Variants in PLCB1 observed in about 807,000 individuals in gnomAD.
The protein encoded by PLCB1 is 1-phosphatidylinositol 4,5-bisphosphate phosphodiesterase beta-1.
PLCB1 carries 46 observed loss-of-function variants against 161.8 expected under a neutral mutation model. The ratio of observed to expected loss-of-function variants is 0.28; its 90% CI spans 0.22 to 0.36. The LOEUF (loss-of-function observed/expected upper bound fraction) is 0.36. Among genes scored for constraint, PLCB1 ranks in the 10% least tolerant of loss-of-function variants. The probability of loss-of-function intolerance (pLI) is 1.00; values close to 1 mark genes in which losing one functional copy is unlikely to be tolerated. For synonymous variants in PLCB1, 517 were observed against 503.7 expected (o/e 1.03, Z -0.35); for missense variants, 1,016 against 1,472.5 (o/e 0.69, Z 5.07).
chr20:8,648,103 G>A, intron 6 of PLCB1, 150 bp downstream of exon 6: 1 of 518,410 alleles, frequency 1.9e-6, no homozygotes, highest in South Asian at 3.2e-5. Flanking sequence ...TCTCATGTCA[G>A]TGCAGCTGCT....
At chr20:8,679,132 C>T (rs951667019) in intron 9 of PLCB1, among the ~76,000 whole-genome samples, 5 of 152,126 alleles carry the variant, frequency 3.3e-5, no homozygotes, top group African/African-American at 1.2e-4. Context: ...TTGGTAACCA[C>T]CAGTAAGGAA....
intron 2 of PLCB1, among the ~76,000 whole-genome samples, chr20:8,286,934 G>T (rs1568618263): frequency 6.6e-6 from 1 of 152,050 alleles, no homozygotes; most frequent in Non-Finnish European, 1.5e-5. Flanking sequence ...GTGGACTTTT[G>T]TCTATACTTC....
At chr20:8,823,438 G>A (rs1268283897) in intron 31 of PLCB1, among the ~76,000 whole-genome samples, 2 of 152,080 alleles carry the variant, frequency 1.3e-5, no homozygotes, top group African/African-American at 4.8e-5. Flanking sequence ...CACCACCCCT[G>A]CCTGCACCAC....
chr20:8,759,545 G>A (rs1008516027), intron 24 of PLCB1, among the ~76,000 whole-genome samples: 9 of 152,142 alleles, frequency 5.9e-5, no homozygotes, highest in African/African-American at 2.2e-4. Flanking sequence ...TTGTTGCCCA[G>A]GCTGGAGTGC....
At chr20:8,271,148 G>C (rs1003342369) in intron 2 of PLCB1, among the ~76,000 whole-genome samples, 4 of 152,112 alleles carry the variant, frequency 2.6e-5, no homozygotes, top group African/African-American at 9.7e-5. Flanking sequence ...GACAGTGGTA[G>C]ACATCATTCC....
intron 3 of PLCB1, among the ~76,000 whole-genome samples, chr20:8,441,269 G>A (rs1220500293): frequency 1.3e-5 from 2 of 152,150 alleles, no homozygotes; most frequent in Non-Finnish European, 2.9e-5. Flanking sequence ...TGAAATCTAT[G>A]TGAAAATATC....
intron 31 of PLCB1, among the ~76,000 whole-genome samples, chr20:8,833,813 C>T (rs148091190): frequency 2.1e-3 from 318 of 152,264 alleles, no homozygotes; most frequent in African/African-American, 7.2e-3. Context: ...ATTCTGTTTC[C>T]TCCATTTATT....
intron 2 of PLCB1, among the ~76,000 whole-genome samples, chr20:8,275,934 T>C (rs1600280558): frequency 6.6e-6 from 1 of 152,126 alleles, no homozygotes; most frequent in East Asian, 1.9e-4. Context: ...TCATCACCAC[T>C]TACAAGCCAG....
At position 8,278,960 on chromosome 20, in the gene PLCB1, C is replaced by T. The variant is rs565708403; in HGVS notation, c.178-92422C>T. Among the ~76,000 whole-genome samples, 15 of 141,348 alleles carry T rather than the reference C, an allele frequency of 1.1e-4. No individual in the cohort carries two copies. In the South Asian group the frequency reaches 2.4e-3, roughly 22 times the overall value. The allele number at this position is 141,348 out of a possible 152,430, so 92.7% of individuals were successfully genotyped here. ...ATATCCACCAGCAGCAAAATAAACA[C>T]GACTATACAGTGTTTTTTAAAAAAA... On this transcript the variant is annotated intron_variant, in intron 2 of 31. Coordinates refer to ENST00000338037, the MANE Select transcript of PLCB1 (RefSeq NM_015192.4).
intron 7 of PLCB1, among the ~76,000 whole-genome samples, 200 bp from the exon 8 acceptor site, chr20:8,656,984 C>T (rs924940329): frequency 5.9e-5 from 9 of 151,660 alleles, no homozygotes; most frequent in South Asian, 2.1e-4. Context: ...ATGAACGCTA[C>T]GGTTGACCTC....
In PLCB1 at chr20:8,564,060, A is replaced by G. The variant is rs370105144; in HGVS notation, c.247-64234A>G. On this transcript the variant is annotated intron_variant, in intron 3 of 31. Coordinates refer to ENST00000338037, the MANE Select transcript of PLCB1 (RefSeq NM_015192.4). Reference sequence around the variant, plus strand: ...CAAGACAATCCTAAGCAAAAAGAACAAAGCTGGAGACATCACACTACCTGA... The same window carrying G: ...CAAGACAATCCTAAGCAAAAAGAACGAAGCTGGAGACATCACACTACCTGA... Among the ~76,000 whole-genome samples, 9 of 152,338 alleles carry G rather than the reference A, an allele frequency of 5.9e-5. No individual in the cohort carries two copies. In the East Asian group the frequency reaches 1.5e-3, roughly 26 times the overall value.
chr20:8,510,383 CTTTTTTTTTTTT>C (rs11479098), intron 3 of PLCB1, among the ~76,000 whole-genome samples: 1 of 119,822 alleles, frequency 8.3e-6, no homozygotes, highest in Non-Finnish European at 1.7e-5. Flanking sequence ...TTTTCTTTTT[CTTTTTTTTTTTT>C]TTTTTTTAAG....
At chr20:8,678,724 C>T (rs915945528) in intron 9 of PLCB1, among the ~76,000 whole-genome samples, 3 of 152,174 alleles carry the variant, frequency 2.0e-5, no homozygotes, top group African/African-American at 7.2e-5. Flanking sequence ...AAACTTAGCC[C>T]ATCGGCAATC....
intron 26 of PLCB1, among the ~76,000 whole-genome samples, chr20:8,769,085 G>T (rs932273549): frequency 2.6e-4 from 40 of 152,132 alleles, no homozygotes; most frequent in Admixed American, 1.2e-3. Context: ...GGAAATAAAT[G>T]CAGTGGATTT....
chr20:8,672,646 T>G (rs985720507), intron 9 of PLCB1, among the ~76,000 whole-genome samples: 2 of 152,116 alleles, frequency 1.3e-5, no homozygotes, highest in African/African-American at 2.4e-5. Context: ...CAATGTGCCA[T>G]GAGTTGTATT....
chr20:8,217,579 C>T (rs1007697855), intron 2 of PLCB1, among the ~76,000 whole-genome samples: 10 of 151,992 alleles, frequency 6.6e-5, no homozygotes, highest in Non-Finnish European at 1.3e-4. Context: ...GACTTCTTAC[C>T]AAAGTATGAA....
intron 2 of PLCB1, among the ~76,000 whole-genome samples, chr20:8,164,919 G>A (rs529671466): frequency 1.3e-5 from 2 of 152,318 alleles, no homozygotes; most frequent in East Asian, 3.9e-4. Flanking sequence ...TCCCTTTGCA[G>A]TTAGAATTAC....
intron 2 of PLCB1, among the ~76,000 whole-genome samples, chr20:8,363,260 G>T (rs974549885): frequency 1.3e-5 from 2 of 152,070 alleles, no homozygotes; most frequent in African/African-American, 4.8e-5. Flanking sequence ...GTGGGTCAGG[G>T]TCTCACCTGC....
chr20:8,721,891 C>T (rs768215333), intron 14 of PLCB1, among the ~76,000 whole-genome samples: 2 of 151,998 alleles, frequency 1.3e-5, no homozygotes, highest in Non-Finnish European at 2.9e-5. Flanking sequence ...GTGCTGGCCA[C>T]GCATTGCATG....
Sources: allele counts gnomAD v4.1 joint callset (sites outside exome capture counted in the v4.1 genomes callset), GRCh38; gene constraint gnomAD v4.1.1; transcripts MANE v1.5; gene names NCBI Gene and HGNC (gene_info 2026-07-23, HGNC 2026-07-21).